The following RGS7 variants were observed in gnomAD, a reference collection of about 807,000 sequenced individuals.
RGS7 encodes the protein regulator of G protein signaling 7, also known as regulator of G-protein signaling 7.
Under a neutral mutation model 81.1 loss-of-function variants are expected in RGS7, and 27 were observed. The observed-to-expected ratio is 0.33, with a 90% CI of 0.25 to 0.46. The LOEUF is 0.46. RGS7 is among the 20% of genes least tolerant of loss of function. RGS7 has a pLI of 1.00. For synonymous variants in RGS7, 208 were observed against 207.7 expected, an observed-to-expected ratio of 1.00 and a Z score of -0.01; for missense variants, 396 against 607.4, an observed-to-expected ratio of 0.65 and a Z score of 3.66.
chr1:241,150,710 T>C (rs111918577), intron 2 of RGS7, among the ~76,000 whole-genome samples: 4,164 of 152,300 alleles, frequency 0.027, 181 homozygotes, highest in African/African-American at 0.094. Context: ...TAGATGTAGA[T>C]ACAGATAGAT....
rs1372588072 is a variant in RGS7 at position 241,232,179 on chromosome 1, T to C, written c.78+123520A>G. ...GGGATCTCTTAATTCTGTTCCATTG[T>C]TGTATATGTCTATTCTCTCTCTCTC... On this transcript the variant is annotated intron_variant, in intron 2 of 18. Coordinates refer to ENST00000440928, the MANE Select transcript of RGS7 (RefSeq NM_001364886.1). 2.1e-5 allele frequency among the ~76,000 whole-genome samples: 3 copies of C among 145,232 alleles called. No homozygotes were observed. In the South Asian group the frequency reaches 6.7e-4, roughly 32 times the overall value.
At chr1:241,259,667 A>AAAAAAAAAAAAAATATATATAT in intron 2 of RGS7, among the ~76,000 whole-genome samples, 6 of 49,142 alleles carry the variant, frequency 1.2e-4, no homozygotes, top group African/African-American at 3.2e-4. Context: ...AAAAAAAAAA[A>AAAAAAAAAAAAAATATATATAT]ATATATATAT....
At chr1:240,932,513 C>CTTTTTTT (rs56232293) in intron 5 of RGS7, among the ~76,000 whole-genome samples, 44,509 of 126,750 alleles carry the variant, frequency 0.35, 9,920 homozygotes, top group East Asian at 0.51. Flanking sequence ...TAGGGTGTCA[C>CTTTTTTT]TTTTTTTTTT....
At chr1:241,061,153 AC>A (rs2061718586) in intron 3 of RGS7, among the ~76,000 whole-genome samples, 1 of 152,102 alleles carries the variant, frequency 6.6e-6, no homozygotes, top group Admixed American at 6.6e-5. Flanking sequence ...GTCACCCAAG[AC>A]CCCCAAGACT....
At chr1:241,120,901 A>T (rs994435167) in intron 2 of RGS7, among the ~76,000 whole-genome samples, 2 of 152,118 alleles carry the variant, frequency 1.3e-5, no homozygotes, top group African/African-American at 4.8e-5. Context: ...GTGCATTTTA[A>T]ATAGGTTAAG....
At chr1:240,791,478 T>C (rs1685995906) in intron 18 of RGS7, among the ~76,000 whole-genome samples, 1 of 152,238 alleles carries the variant, frequency 6.6e-6, no homozygotes, top group Non-Finnish European at 1.5e-5. Flanking sequence ...TGTATTGCTA[T>C]TTTAAATTGT....
At chr1:240,956,226 T>C (rs983797273) in intron 4 of RGS7, among the ~76,000 whole-genome samples, 1 of 152,012 alleles carries the variant, frequency 6.6e-6, no homozygotes, top group Non-Finnish European at 1.5e-5. Flanking sequence ...AAAGCAACAA[T>C]GGGTTGCCCT....
At chr1:240,790,033 C>T (rs1461934403) in intron 18 of RGS7, among the ~76,000 whole-genome samples, 1 of 152,054 alleles carries the variant, frequency 6.6e-6, no homozygotes, top group Non-Finnish European at 1.5e-5. Flanking sequence ...TTTCTCAGAC[C>T]AGCTGACACT....
chr1:240,824,884 G>A (rs1375915987), intron 10 of RGS7, among the ~76,000 whole-genome samples: 1 of 152,060 alleles, frequency 6.6e-6, no homozygotes, highest in Non-Finnish European at 1.5e-5. Flanking sequence ...TTTTCTCTCT[G>A]TCTCTATGCA....
intron 2 of RGS7, among the ~76,000 whole-genome samples, chr1:241,251,854 C>T (rs897951766): frequency 2.0e-5 from 3 of 151,708 alleles, no homozygotes; most frequent in African/African-American, 7.3e-5. Context: ...ACTTTTAGAT[C>T]ATTTGAAGGA....
chr1:241,157,816 C>CT (rs754007777), intron 2 of RGS7, among the ~76,000 whole-genome samples: 1 of 121,950 alleles, frequency 8.2e-6, no homozygotes, highest in African/African-American at 3.7e-5. Context: ...CTTTTCTTTT[C>CT]TTTTCTTTTT....
chr1:241,326,710 A>T (rs149532279), intron 2 of RGS7, among the ~76,000 whole-genome samples: 1 of 149,222 alleles, frequency 6.7e-6, no homozygotes, highest in African/African-American at 2.5e-5. Flanking sequence ...TTGGGAGGCA[A>T]AGGTGGGCAG....
At chr1:241,186,099 A>G (rs1031093067) in intron 2 of RGS7, among the ~76,000 whole-genome samples, 7 of 152,296 alleles carry the variant, frequency 4.6e-5, no homozygotes, top group African/African-American at 1.7e-4. Flanking sequence ...ATAAACAGAG[A>G]GAAGTTACAA....
intron 2 of RGS7, among the ~76,000 whole-genome samples, chr1:241,204,511 C>A (rs1410342917): frequency 6.6e-6 from 1 of 152,054 alleles, no homozygotes; most frequent in Non-Finnish European, 1.5e-5. Context: ...TAAGGTAACT[C>A]TAGCATTCTT....
chr1:240,967,675 T>C (rs955677182), intron 4 of RGS7, among the ~76,000 whole-genome samples: 2 of 149,494 alleles, frequency 1.3e-5, no homozygotes, highest in Non-Finnish European at 3.0e-5. Flanking sequence ...AATGACCACA[T>C]ATGGGGAGTA....
chr1:240,907,849 T>C (rs1671076433), intron 6 of RGS7, among the ~76,000 whole-genome samples: 1 of 152,188 alleles, frequency 6.6e-6, no homozygotes, highest in African/African-American at 2.4e-5. Context: ...TTGTCGGCCT[T>C]AACCGCTAGA....
chr1:240,822,959 A>AT (rs750554947), intron 10 of RGS7: 334 of 492,456 alleles, frequency 6.8e-4, no homozygotes, highest in Non-Finnish European at 1.0e-3. Context: ...TAAATAATAC[A>AT]TTTTTTTTCA....
chr1:241,248,276 T>C (rs1195744127), intron 2 of RGS7, among the ~76,000 whole-genome samples: 1 of 151,224 alleles, frequency 6.6e-6, no homozygotes, highest in Non-Finnish European at 1.5e-5. Context: ...TTTCAATTTT[T>C]TAATTGCTGT....
At chr1:241,329,428 G>A (rs1421620355) in intron 2 of RGS7, among the ~76,000 whole-genome samples, 1 of 152,132 alleles carries the variant, frequency 6.6e-6, no homozygotes, top group East Asian at 1.9e-4. Flanking sequence ...AAATGCTTTA[G>A]AGCCCAGTTA....
Sources: allele counts gnomAD v4.1 joint callset (sites outside exome capture counted in the v4.1 genomes callset), GRCh38; gene constraint gnomAD v4.1.1; transcripts MANE v1.5; gene names NCBI Gene and HGNC (gene_info 2026-07-23, HGNC 2026-07-21).